Variants in CHD2 observed in about 807,000 individuals in gnomAD.
The protein encoded by CHD2 is ATP-dependent chromatin remodeler CHD2.
In CHD2, 28 loss-of-function variants were observed where a neutral mutation model predicts 243.9. That is an observed-to-expected ratio of 0.11 (90% confidence interval 0.09 to 0.16). CHD2 has a LOEUF of 0.16. CHD2 is among the 10% of genes least tolerant of loss of function. CHD2 has a pLI of 1.00. For missense variants in CHD2, 1,386 were observed against 2,209.8 expected, an observed-to-expected ratio of 0.63 and a Z score of 7.47; for synonymous variants, 775 against 779.0, an observed-to-expected ratio of 0.99 and a Z score of 0.09.
chr15:93,004,679 T>C lies in CHD2; in HGVS notation c.4341T>C (p.Ile1447=). ...AGCGATCTCAGGGTCCTGTCCATATTACAGCAGGAAGTGAACCTGTCCCCA... is the reference window on the plus strand; with the variant it reads ...AGCGATCTCAGGGTCCTGTCCATATCACAGCAGGAAGTGAACCTGTCCCCA... The part of the protein sequence containing the change: ...KSKRSQGPVH[I]TAGSEPVPIG... Residue 1447 remains isoleucine (I), a synonymous_variant, in exon 34 of 39, where the codon ATT becomes ATC. Coordinates refer to ENST00000394196, the MANE Select transcript of CHD2 (RefSeq NM_001271.4). 2 of 1,613,932 alleles carry C rather than the reference T, an allele frequency of 1.2e-6. No individual in the cohort carries two copies. Among genetic ancestry groups the C allele is most frequent in the Non-Finnish European group, 1.7e-6 (2 of 1,179,862 alleles).
At chr15:92,963,932 A>G (rs903110503) in intron 16 of CHD2, among the ~76,000 whole-genome samples, 8 of 152,260 alleles carry the variant, frequency 5.3e-5, no homozygotes, top group Non-Finnish European at 2.9e-5. Flanking sequence ...AGTTTCTACC[A>G]GTGAATACTT....
intron 17 of CHD2, among the ~76,000 whole-genome samples, chr15:92,968,705 A>G (rs974546103): frequency 6.6e-6 from 1 of 152,260 alleles, no homozygotes; most frequent in Non-Finnish European, 1.5e-5. Context: ...TGCCATTTTC[A>G]AAGGAAAAGA....
At chr15:92,903,155 T>C (rs147404698) in intron 2 of CHD2, among the ~76,000 whole-genome samples, 1 of 152,248 alleles carries the variant, frequency 6.6e-6, no homozygotes, top group Non-Finnish European at 1.5e-5. Flanking sequence ...TTAATACATG[T>C]ACATAATTAT....
intron 14 of CHD2, among the ~76,000 whole-genome samples, chr15:92,954,712 A>G (rs2053596536): frequency 6.6e-6 from 1 of 152,238 alleles, no homozygotes. Context: ...TAGTCAGAGA[A>G]GTTTTCCTTG....
In CHD2 at chr15:92,966,888, C is replaced by T. The variant is rs1343164659; in HGVS notation, c.2001-437C>T. On this transcript the variant is annotated intron_variant, in intron 16 of 38. Transcript: ENST00000394196. ...TTGTGCCACTGCATTCCAGCCTGGG[C>T]GACGGAGCGAGACTCTGTCTCAAAA... Among the ~76,000 whole-genome samples, 10 of 141,112 alleles carry T rather than the reference C, an allele frequency of 7.1e-5. No individual in the cohort carries two copies. In the South Asian group the frequency reaches 9.2e-4, roughly 13 times the overall value. 92.6% of individuals were successfully genotyped at this position (141,112 alleles called of 152,430 possible).
intron 38 of CHD2, chr15:93,021,097 C>G (rs973026178): frequency 6.6e-6 from 1 of 152,168 alleles, no homozygotes; most frequent in Non-Finnish European, 1.5e-5. Context: ...AGGACTTTTT[C>G]TGCTGGTGAT....
chr15:92,980,849 A>C lies in CHD2; in HGVS notation c.2911A>C (p.Ile971Leu). The part of the protein sequence containing the change: ...NPFNKEELTA[I>L]LKFGAEDLFK... ...TTTTAATAAAGAAGAGCTGACAGCT[A>C]TTTTGAAATTTGGAGCAGAGGATCT... The change falls in exon 23 of 39, where the codon ATT becomes CTT. Residue 971 changes from isoleucine (I) to leucine (L), a missense_variant. Transcript: ENST00000394196. The C allele has an allele frequency of 6.2e-7, 1 of 1,613,768 alleles. No homozygotes were observed. Among genetic ancestry groups the C allele is most frequent in the Non-Finnish European group, 8.5e-7 (1 of 1,179,758 alleles).
At chr15:92,981,117 G>A (rs1045767088) in intron 23 of CHD2, among the ~76,000 whole-genome samples, 1 of 152,096 alleles carries the variant, frequency 6.6e-6, no homozygotes, top group Non-Finnish European at 1.5e-5. Context: ...TACTTTTTTG[G>A]GTTGTTTTTT....
At chr15:93,020,499 G>A (rs1479034476) in intron 38 of CHD2, 1 of 608,478 alleles carries the variant, frequency 1.6e-6, no homozygotes, top group Admixed American at 3.0e-5. Flanking sequence ...AGGAAATCTA[G>A]TGAAGAGGTC....
At chr15:92,980,999 T>C in intron 23 of CHD2, 88 bp downstream of exon 23, 1 of 894,664 alleles carries the variant, frequency 1.1e-6, no homozygotes, top group Non-Finnish European at 1.8e-6. Context: ...TGTTAGAGGC[T>C]TTTGTAAAGA....
intron 2 of CHD2, chr15:92,915,096 T>C (rs1371595932): frequency 6.6e-6 from 1 of 152,166 alleles, no homozygotes; most frequent in Non-Finnish European, 1.5e-5. Flanking sequence ...TGGCCTTCCA[T>C]AGATTCTGTT....
intron 16 of CHD2, among the ~76,000 whole-genome samples, chr15:92,964,307 T>C (rs2053727570): frequency 2.0e-5 from 3 of 152,346 alleles, no homozygotes; most frequent in African/African-American, 7.2e-5. Context: ...TTCACAAAGA[T>C]ATGTATATGA....
chr15:92,906,183 CT>C (rs150418796), intron 2 of CHD2, among the ~76,000 whole-genome samples: 2 of 152,100 alleles, frequency 1.3e-5, no homozygotes, highest in South Asian at 2.1e-4. Flanking sequence ...GAGCCTTCTA[CT>C]TTTTTTCCCT....
At chr15:93,015,962 T>C (rs2054454971) in intron 37 of CHD2, among the ~76,000 whole-genome samples, 1 of 152,174 alleles carries the variant, frequency 6.6e-6, no homozygotes. Context: ...CTCAAAAAAA[T>C]CACAAACAGA....
chr15:92,989,073 C>A (rs1360834207), intron 26 of CHD2, among the ~76,000 whole-genome samples: 1 of 143,828 alleles, frequency 7.0e-6, no homozygotes, highest in Non-Finnish European at 1.5e-5. Context: ...CTCCTATCAC[C>A]CAGGCTGGAG....
At chr15:92,970,283 C>G (rs149774119) in intron 17 of CHD2, among the ~76,000 whole-genome samples, 1,872 of 152,184 alleles carry the variant, frequency 0.012, 36 homozygotes, top group African/African-American at 0.041. Flanking sequence ...CTCACCTCAA[C>G]CTCCGCCTCC....
intron 31 of CHD2, among the ~76,000 whole-genome samples, chr15:92,999,448 T>C (rs1245280438): frequency 1.3e-5 from 2 of 152,198 alleles, no homozygotes; most frequent in African/African-American, 4.8e-5. Context: ...CTGAGCTTTA[T>C]CTCCTTTTGT....
chr15:92,954,149 C>G (rs2053588303), intron 14 of CHD2: 1 of 153,028 alleles, frequency 6.5e-6, no homozygotes, highest in South Asian at 2.0e-4. Flanking sequence ...TTTATAGTAA[C>G]TTTTTTTAAA....
intron 5 of CHD2, among the ~76,000 whole-genome samples, chr15:92,933,522 T>A (rs1246276899): frequency 1.3e-5 from 2 of 152,240 alleles, no homozygotes; most frequent in Non-Finnish European, 2.9e-5. Context: ...TTAAACTCTT[T>A]TTTTCATGCA....
Sources: gnomAD v4.1 joint callset for allele counts (sites outside exome capture counted in the v4.1 genomes callset) on GRCh38, gnomAD v4.1.1 for gene constraint, MANE v1.5 for transcripts, NCBI Gene and HGNC (gene_info 2026-07-23, HGNC 2026-07-21) for gene names.